The following MACROD2 variants were observed in gnomAD, a reference collection of about 807,000 sequenced individuals.
MACROD2 encodes ADP-ribose glycohydrolase MACROD2.
A neutral mutation model predicts 70.4 loss-of-function variants in MACROD2; 36 were observed. The ratio of observed to expected loss-of-function variants is 0.51; its 90% CI spans 0.39 to 0.68. The LOEUF (loss-of-function observed/expected upper bound fraction) is 0.68. Among genes scored for constraint, MACROD2 ranks in the 30% least tolerant of loss-of-function variants. The probability of loss-of-function intolerance (pLI) is 0.00; values close to 1 mark genes in which losing one functional copy is unlikely to be tolerated. For missense variants in MACROD2, 496 were observed against 538.4 expected (o/e 0.92, Z 0.78); for synonymous variants, 172 against 178.8 (o/e 0.96, Z 0.30).
chr20:15,566,788 T>G (rs924991072), intron 8 of MACROD2, among the ~76,000 whole-genome samples: 4 of 152,220 alleles, frequency 2.6e-5, no homozygotes, highest in African/African-American at 9.6e-5. Flanking sequence ...CTCCCCTGTT[T>G]ATCTGCAGGT....
intron 6 of MACROD2, among the ~76,000 whole-genome samples, chr20:15,359,797 T>G (rs1182584271): frequency 2.0e-5 from 3 of 152,332 alleles, no homozygotes; most frequent in Middle Eastern, 6.8e-3. Context: ...GTTCTATGTA[T>G]TCTTCAGCCG....
At chr20:15,777,510 TTTCCTTCCTTCCTTCC>T (rs746262814) in intron 8 of MACROD2, among the ~76,000 whole-genome samples, 4,263 of 82,984 alleles carry the variant, frequency 0.051, 105 homozygotes, top group East Asian at 0.076. Context: ...TCCTTCCTTC[TTTCCTTCCTTCCTTCC>T]TTCCTTCCTT....
chr20:14,032,350 A>C (rs1014073077), intron 2 of MACROD2, among the ~76,000 whole-genome samples: 1 of 152,136 alleles, frequency 6.6e-6, no homozygotes, highest in South Asian at 2.1e-4. Context: ...GAGGCAGTGC[A>C]TATTTAACAC....
At chr20:15,673,072 A>G (rs547171865) in intron 8 of MACROD2, among the ~76,000 whole-genome samples, 1 of 152,286 alleles carries the variant, frequency 6.6e-6, no homozygotes, top group South Asian at 2.1e-4. Flanking sequence ...TTCTTTTATG[A>G]ATTACCCAGT....
intron 5 of MACROD2, among the ~76,000 whole-genome samples, chr20:15,220,409 C>T (rs184148019): frequency 2.0e-5 from 3 of 152,348 alleles, no homozygotes; most frequent in Admixed American, 2.0e-4. Context: ...GCAGTGGAAG[C>T]ATCGAGTCAC....
intron 8 of MACROD2, among the ~76,000 whole-genome samples, chr20:15,812,389 A>C (rs2063830332): frequency 6.6e-6 from 1 of 152,214 alleles, no homozygotes; most frequent in African/African-American, 2.4e-5. Flanking sequence ...ACTTTGAATA[A>C]ATATGGAGGA....
chr20:15,844,622 A>T (rs556684204), intron 8 of MACROD2, among the ~76,000 whole-genome samples: 61 of 152,272 alleles, frequency 4.0e-4, no homozygotes, highest in African/African-American at 1.3e-3. Context: ...TGTACTATTT[A>T]TGAAGGGTCT....
intron 6 of MACROD2, among the ~76,000 whole-genome samples, chr20:15,353,399 C>T (rs1471310911): frequency 6.6e-6 from 1 of 152,006 alleles, no homozygotes; most frequent in Non-Finnish European, 1.5e-5. Context: ...CCATAAAAAC[C>T]CTGGAAGAAA....
intron 4 of MACROD2, among the ~76,000 whole-genome samples, chr20:14,579,648 A>G (rs1184553911): frequency 6.6e-6 from 1 of 152,182 alleles, no homozygotes; most frequent in African/African-American, 2.4e-5. Context: ...TGATTCTATT[A>G]ACTTTGTCTT....
chr20:14,366,452 T>C (rs1237213889), intron 3 of MACROD2, among the ~76,000 whole-genome samples: 4 of 151,476 alleles, frequency 2.6e-5, no homozygotes, highest in Non-Finnish European at 5.9e-5. Flanking sequence ...CTGCAATCTC[T>C]GCCTCCTGTG....
intron 5 of MACROD2, among the ~76,000 whole-genome samples, chr20:14,839,261 C>T (rs1167561879): frequency 6.6e-6 from 1 of 152,058 alleles, no homozygotes. Context: ...GATTGATTTG[C>T]ATTTCCCTTT....
chr20:15,088,870 G>T (rs1462998117), intron 5 of MACROD2, among the ~76,000 whole-genome samples: 2 of 151,940 alleles, frequency 1.3e-5, no homozygotes, highest in Non-Finnish European at 2.9e-5. Flanking sequence ...GGAAAAGAGG[G>T]TAAAAGAGAG....
At chr20:14,596,876 C>T (rs1040627506) in intron 4 of MACROD2, among the ~76,000 whole-genome samples, 1 of 152,106 alleles carries the variant, frequency 6.6e-6, no homozygotes, top group Non-Finnish European at 1.5e-5. Flanking sequence ...TCTGTAAAGG[C>T]CTTCACAAGA....
intron 8 of MACROD2, among the ~76,000 whole-genome samples, chr20:15,541,484 G>A (rs2047954966): frequency 6.6e-6 from 1 of 152,112 alleles, no homozygotes; most frequent in Admixed American, 6.5e-5. Flanking sequence ...CAGGCCAAAC[G>A]TGGTTAATAG....
intron 8 of MACROD2, among the ~76,000 whole-genome samples, chr20:15,830,939 C>G (rs139274480): frequency 3.9e-4 from 60 of 152,220 alleles, no homozygotes; most frequent in African/African-American, 1.3e-3. Context: ...ATATAGCATT[C>G]TTTTCTGTTC....
chr20:14,889,081 T>G (rs1020649579), intron 5 of MACROD2, among the ~76,000 whole-genome samples: 3 of 152,210 alleles, frequency 2.0e-5, no homozygotes, highest in Non-Finnish European at 4.4e-5. Flanking sequence ...TTTTTTTCCA[T>G]ATACAGCAGT....
intron 4 of MACROD2, among the ~76,000 whole-genome samples, chr20:14,597,319 C>CAGTT (rs1222639813): frequency 6.6e-6 from 1 of 152,048 alleles, no homozygotes; most frequent in Admixed American, 6.6e-5. Context: ...GGAATGAAGG[C>CAGTT]AGTTTGTTGT....
chr20:14,779,728 T>C (rs763060187), intron 5 of MACROD2, among the ~76,000 whole-genome samples: 2 of 152,164 alleles, frequency 1.3e-5, no homozygotes, highest in Non-Finnish European at 2.9e-5. Flanking sequence ...TAAAATAACT[T>C]ACTAATCTTT....
intron 8 of MACROD2, among the ~76,000 whole-genome samples, chr20:15,852,302 A>C (rs964107274): frequency 6.6e-6 from 1 of 152,232 alleles, no homozygotes; most frequent in Non-Finnish European, 1.5e-5. Flanking sequence ...TTATCAAAAC[A>C]AAACAGGAAG....
Sources: gnomAD v4.1 joint callset for allele counts (sites outside exome capture counted in the v4.1 genomes callset) on GRCh38, gnomAD v4.1.1 for gene constraint, MANE v1.5 for transcripts, NCBI Gene and HGNC (gene_info 2026-07-23, HGNC 2026-07-21) for gene names.